Variants in FKBP14 observed in about 807,000 individuals in gnomAD.
FKBP14 encodes peptidyl-prolyl cis-trans isomerase FKBP14.
In FKBP14, 20 loss-of-function variants were observed where a neutral mutation model predicts 21.6. The observed-to-expected ratio is 0.92, with a 90% CI of 0.65 to 1.34. FKBP14 has a LOEUF of 1.34. Among genes scored for constraint, FKBP14 ranks in the 40% most tolerant of loss-of-function variants. The pLI is 0.00. For synonymous variants in FKBP14, 79 were observed against 86.7 expected (o/e 0.91, Z 0.49); for missense variants, 253 against 249.0 (o/e 1.02, Z -0.11).
In FKBP14 at chr7:30,011,131, C is replaced by A. The variant is rs1361218033; in HGVS notation, c.*3604G>T. 4.6e-5 allele frequency: 7 copies of A among 151,818 alleles called. No individual in the cohort carries two copies. Among genetic ancestry groups the A allele is most frequent in the Admixed American group, 4.6e-4 (7 of 15,240 alleles). 9.4% of individuals were successfully genotyped at this position (151,818 alleles called of 1,614,324 possible). ...TCTTGGCTCACTGCAACCTCCACCT[C>A]CTGGATTCAAGCAATTCTCCTGCCT... On this transcript the variant is annotated 3_prime_UTR_variant, in exon 4 of 4. Transcript: ENST00000222803.
chr7:30,025,986 G>A (rs1790161894), intron 1 of FKBP14, among the ~76,000 whole-genome samples: 1 of 152,192 alleles, frequency 6.6e-6, no homozygotes, highest in South Asian at 2.1e-4. Context: ...TTTGAGATAT[G>A]AGAATTCTTT....
downstream of FKBP14, among the ~76,000 whole-genome samples, chr7:30,006,081 T>A (rs755754024): frequency 1.3e-5 from 2 of 150,328 alleles, no homozygotes; most frequent in African/African-American, 4.9e-5. Context: ...CATATGTACA[T>A]ACACACATAT....
intron 1 of FKBP14, among the ~76,000 whole-genome samples, chr7:30,025,058 C>T (rs866947036): frequency 1.3e-5 from 2 of 152,148 alleles, no homozygotes; most frequent in African/African-American, 4.8e-5. Context: ...TAGAGAAGAG[C>T]CCCATTCATT....
Position 30,011,063 on chromosome 7 carries a change from A to G in FKBP14, c.*3672T>C, listed in dbSNP as rs1173618754. ...TATAGAATTTTTTTTTTTGAGACAG[A>G]GTCTTGCTCCTCTGTCACCCAGACT... On this transcript the variant is annotated 3_prime_UTR_variant, in exon 4 of 4. Transcript: ENST00000222803. The G allele has an allele frequency of 6.6e-6, 1 of 151,658 alleles. No homozygotes were observed. The highest frequency in any genetic ancestry group is 1.5e-5 in the Non-Finnish European group (1 of 67,934). The allele number at this position is 151,658 out of a possible 1,614,324, so 9.4% of individuals were successfully genotyped here. A position where few individuals can be genotyped will look rare whatever the true frequency, so the allele number is the denominator to read the frequency against.
At chr7:30,008,691 A>AG (rs1554367158), downstream of FKBP14, among the ~76,000 whole-genome samples, 1 of 123,560 alleles carries the variant, frequency 8.1e-6, no homozygotes, top group Non-Finnish European at 1.7e-5. Context: ...AAAAAAAAAA[A>AG]GCCGGCCAGG....
intron 3 of FKBP14, among the ~76,000 whole-genome samples, chr7:30,018,202 C>T (rs1040370992): frequency 2.6e-5 from 4 of 151,918 alleles, no homozygotes; most frequent in Admixed American, 6.6e-5. Flanking sequence ...ACCCCTGGTT[C>T]GTAACAATTT....
chr7:30,021,536 A>G (rs189674862), intron 2 of FKBP14, among the ~76,000 whole-genome samples: 144 of 151,878 alleles, frequency 9.5e-4, no homozygotes, highest in African/African-American at 3.5e-3. Context: ...TATAGAATAA[A>G]TGCATATAGA....
At chr7:30,007,209 TTG>T (rs1451206540), downstream of FKBP14, among the ~76,000 whole-genome samples, 1,243 of 97,442 alleles carry the variant, frequency 0.013, 20 homozygotes, top group African/African-American at 0.047. Context: ...AAAAGTTCCT[TTG>T]TTTTTTTTTT....
downstream of FKBP14, among the ~76,000 whole-genome samples, chr7:30,006,652 T>A (rs1031238525): frequency 1.3e-5 from 2 of 152,212 alleles, no homozygotes; most frequent in African/African-American, 4.8e-5. Flanking sequence ...ACAGAATAAT[T>A]CTTCGTTGTG....
downstream of FKBP14, among the ~76,000 whole-genome samples, chr7:30,006,300 A>T (rs1789616930): frequency 6.6e-6 from 1 of 151,450 alleles, no homozygotes; most frequent in African/African-American, 2.4e-5. Flanking sequence ...TTTTTAAATA[A>T]TTTTTTTGTA....
At chr7:30,018,965 A>T in intron 3 of FKBP14, 31 bp downstream of exon 3, 1 of 1,599,924 alleles carries the variant, frequency 6.3e-7, no homozygotes. Context: ...AAAGAAAAGT[A>T]GAAAGAGGAG....
intron 3 of FKBP14, among the ~76,000 whole-genome samples, chr7:30,016,079 A>G (rs1260323440): frequency 2.0e-5 from 3 of 151,122 alleles, no homozygotes; most frequent in African/African-American, 7.3e-5. Context: ...TCTGGCTTTT[A>G]TATTTTTTGT....
chr7:30,019,452 A>G (rs1485205735), intron 2 of FKBP14, among the ~76,000 whole-genome samples: 1 of 152,138 alleles, frequency 6.6e-6, no homozygotes, highest in Non-Finnish European at 1.5e-5. Context: ...ATTACATATT[A>G]TATGTCAAGA....
At position 30,022,755 on chromosome 7, in the gene FKBP14, C is replaced by G; in HGVS notation, c.259G>C (p.Gly87Arg). ...FTLGILEALK[G>R]WDQGLKGMCV... is the part of the protein sequence containing the mutation. ...ATTCCTTTCAAGCCCTGGTCCCAAC[C>G]TTTGAGAGCCTCCAGGATGCCCAGG... The change falls in exon 2 of 4, where the codon GGT becomes CGT. Residue 87 changes from glycine (G) to arginine (R), a missense_variant. By Grantham distance (125) the Gly-to-Arg change is moderately radical. Transcript: ENST00000222803. 1.9e-6 allele frequency: 3 copies of G among 1,614,124 alleles called. No individual in the cohort carries two copies. Among genetic ancestry groups the G allele is most frequent in the Non-Finnish European group, 2.5e-6 (3 of 1,180,016 alleles).
chr7:30,022,657 A>G lies in FKBP14; in HGVS notation c.349+8T>C, dbSNP rs1453869870. The G allele has an allele frequency of 6.2e-7, 1 of 1,609,628 alleles. No homozygotes were observed. On this transcript the variant is annotated splice_region_variant and intron_variant, in intron 2 of 3. Coordinates refer to ENST00000222803, the MANE Select transcript of FKBP14 (RefSeq NM_017946.4). The stretch of plus-strand genomic sequence containing the variant: ...GCTATAGTAAGAAAAATACAGAAAT[A>G]CTATTACCTTTTCCTTCTTTTCCAT...
chr7:30,014,935 A>G, intron 3 of FKBP14, 42 bp from the exon 4 acceptor site: 1 of 1,415,414 alleles, frequency 7.1e-7, no homozygotes, highest in South Asian at 1.5e-5. Flanking sequence ...GATTCATAAG[A>G]TACCCACATT....
At position 30,026,651 on chromosome 7, in the gene FKBP14, T is replaced by C. The variant is rs1189602812; in HGVS notation, c.-143A>G. 3 of 668,828 alleles carry C rather than the reference T, an allele frequency of 4.5e-6. No homozygotes were observed. The highest frequency in any genetic ancestry group is 7.3e-6 in the Non-Finnish European group (3 of 408,182). The allele number at this position is 668,828 out of a possible 1,614,324, so 41.4% of individuals were successfully genotyped here. A position where few individuals can be genotyped will look rare whatever the true frequency, so the allele number is the denominator to read the frequency against. Reference sequence around the variant, plus strand: ...CCCTTCTTAGAAGACGTGGCACATTTACCACCAACTCTTTTCTCAAGGGTC... The same window carrying C: ...CCCTTCTTAGAAGACGTGGCACATTCACCACCAACTCTTTTCTCAAGGGTC... On this transcript the variant is annotated 5_prime_UTR_variant, in exon 1 of 4. Coordinates refer to ENST00000222803, the MANE Select transcript of FKBP14 (RefSeq NM_017946.4).
chr7:30,010,334 AATTAACT>A (rs962428408), downstream of FKBP14, among the ~76,000 whole-genome samples: 1 of 152,228 alleles, frequency 6.6e-6, no homozygotes, highest in African/African-American at 2.4e-5. Flanking sequence ...CAGTGCTAAG[AATTAACT>A]ATTAACTATC....
chr7:30,022,614 C>G (rs986734319), intron 2 of FKBP14, 51 bp downstream of exon 2: 43 of 1,547,074 alleles, frequency 2.8e-5, no homozygotes, highest in Non-Finnish European at 3.3e-5. Context: ...GTCTCCTAAT[C>G]CAGAGAACAA....
Sources: allele counts gnomAD v4.1 joint callset (sites outside exome capture counted in the v4.1 genomes callset), GRCh38; gene constraint gnomAD v4.1.1; transcripts MANE v1.5; gene names NCBI Gene and HGNC (gene_info 2026-07-23, HGNC 2026-07-21).